The following MYLK variants were observed in gnomAD, a reference collection of about 807,000 sequenced individuals.
MYLK encodes myosin light chain kinase.
A neutral mutation model predicts 203.4 loss-of-function variants in MYLK; 106 were observed. That is an observed-to-expected ratio of 0.52 (90% CI 0.45 to 0.61). The LOEUF (loss-of-function observed/expected upper bound fraction) is 0.61, where lower values mean the gene tolerates loss of function less well. Among genes scored for constraint, MYLK ranks in the 20% least tolerant of loss-of-function variants. The pLI, the probability that MYLK is intolerant of heterozygous loss-of-function variation, is 0.00. For missense variants in MYLK, 2,072 were observed against 2,442.3 expected (o/e 0.85, Z 3.20); for synonymous variants, 867 against 959.5 (o/e 0.90, Z 1.78).
chr3:123,645,514 A>AC (rs151070043), intron 27 of MYLK, among the ~76,000 whole-genome samples: 2,461 of 152,170 alleles, frequency 0.016, 26 homozygotes, highest in African/African-American at 0.027. Flanking sequence ...AAGGACAGAG[A>AC]CCCCCCAAGT....
chr3:123,625,657 A>T (rs2058107492), intron 31 of MYLK, among the ~76,000 whole-genome samples: 1 of 151,242 alleles, frequency 6.6e-6, no homozygotes, highest in Non-Finnish European at 1.5e-5. Context: ...AAATACAAAA[A>T]ATTAGCCAGG....
At chr3:123,827,743 A>ATG (rs2066177179) in intron 3 of MYLK, among the ~76,000 whole-genome samples, 6 of 116,114 alleles carry the variant, frequency 5.2e-5, no homozygotes, top group African/African-American at 2.0e-4. Context: ...ATATATATAT[A>ATG]TATATAAAGA....
At chr3:123,870,787 A>C (rs190201678) in intron 2 of MYLK, among the ~76,000 whole-genome samples, 1 of 152,240 alleles carries the variant, frequency 6.6e-6, no homozygotes, top group Non-Finnish European at 1.5e-5. Flanking sequence ...GCAGAGATGA[A>C]TACCTGTGAC....
intron 13 of MYLK, among the ~76,000 whole-genome samples, chr3:123,717,247 C>T (rs1199862287): frequency 2.0e-5 from 3 of 152,190 alleles, no homozygotes; most frequent in African/African-American, 7.2e-5. Flanking sequence ...GGAGGTGGCT[C>T]CAGGCTGCCC....
chr3:123,867,134 C>A (rs868283304), intron 2 of MYLK, among the ~76,000 whole-genome samples: 13 of 152,144 alleles, frequency 8.5e-5, no homozygotes, highest in African/African-American at 2.7e-4. Context: ...TGGCCCCAGA[C>A]AACTGTCCAG....
chr3:123,816,979 G>C (rs2065770347), intron 3 of MYLK, among the ~76,000 whole-genome samples: 1 of 152,216 alleles, frequency 6.6e-6, no homozygotes, highest in Admixed American at 6.5e-5. Flanking sequence ...TTAGCACTGA[G>C]ATTTAAGTGG....
chr3:123,842,397 A>G (rs2066614935), intron 2 of MYLK, among the ~76,000 whole-genome samples: 2 of 152,178 alleles, frequency 1.3e-5, no homozygotes, highest in Admixed American at 1.3e-4. Context: ...GCTCAGAATC[A>G]GGCCAATTCT....
intron 29 of MYLK, among the ~76,000 whole-genome samples, chr3:123,636,943 C>A (rs556446240): frequency 2.1e-4 from 32 of 151,632 alleles, no homozygotes; most frequent in African/African-American, 7.6e-4. Flanking sequence ...AGTCACATTG[C>A]ACAAAATTCA....
rs563534702 is a variant in MYLK, at chr3:123,859,010, T to C, written c.-127+17549A>G. On this transcript the variant is annotated intron_variant, in intron 2 of 33. Transcript: ENST00000360304. ...CTAAATTTACATATAATTTAAATAG[T>C]ATATAAAGTGATTAAATGTGAATAT... Among the ~76,000 whole-genome samples the C allele has an allele frequency of 8.3e-4, 127 of 152,220 alleles. 1 individual carries two copies. The highest frequency in any genetic ancestry group is 1.7e-3 in the Non-Finnish European group (114 of 68,042).
At chr3:123,782,855 G>T (rs2064354499) in intron 4 of MYLK, among the ~76,000 whole-genome samples, 2 of 152,176 alleles carry the variant, frequency 1.3e-5, no homozygotes, top group African/African-American at 4.8e-5. Context: ...GACACTTAAA[G>T]AACTTACAAC....
chr3:123,823,630 T>C (rs1249538819), intron 3 of MYLK, among the ~76,000 whole-genome samples: 2 of 152,192 alleles, frequency 1.3e-5, no homozygotes, highest in African/African-American at 4.8e-5. Flanking sequence ...TGTGCCTCCC[T>C]AATTCCACTC....
At chr3:123,875,773 G>C (rs1397132465) in intron 2 of MYLK, among the ~76,000 whole-genome samples, 1 of 152,022 alleles carries the variant, frequency 6.6e-6, no homozygotes, top group Non-Finnish European at 1.5e-5. Context: ...TCAAACAATG[G>C]AATAAAAAGA....
chr3:123,793,959 CCA>C (rs1356422973), intron 3 of MYLK, 115 bp from the exon 4 acceptor site: 4 of 1,133,554 alleles, frequency 3.5e-6, no homozygotes, highest in Non-Finnish European at 5.2e-6. Flanking sequence ...GAGCAGATCC[CCA>C]GTTAGGTCAG....
chr3:123,813,619 T>C (rs1320214570), intron 3 of MYLK, among the ~76,000 whole-genome samples: 2 of 152,124 alleles, frequency 1.3e-5, no homozygotes, highest in Non-Finnish European at 2.9e-5. Flanking sequence ...CAAGCGATTC[T>C]CCTGCCTCAG....
At chr3:123,654,077 A>G (rs2059313996) in intron 24 of MYLK, among the ~76,000 whole-genome samples, 1 of 151,592 alleles carries the variant, frequency 6.6e-6, no homozygotes, top group African/African-American at 2.4e-5. Flanking sequence ...CCTGACAGAC[A>G]TTTGGGAGTG....
At chr3:123,653,986 T>TTGTGTG (rs752791805) in intron 24 of MYLK, among the ~76,000 whole-genome samples, 38,861 of 137,408 alleles carry the variant, frequency 0.28, 6,854 homozygotes, top group Non-Finnish European at 0.39. Context: ...CAGAGGGATG[T>TTGTGTG]TGTGTGTGTG....
At chr3:123,625,289 A>G (rs371392825) in intron 31 of MYLK, 12 of 152,244 alleles carry the variant, frequency 7.9e-5, no homozygotes, top group African/African-American at 2.9e-4. Context: ...TAGTTTATAC[A>G]TCTTGGTGCG....
intron 3 of MYLK, among the ~76,000 whole-genome samples, chr3:123,818,199 G>A (rs914382918): frequency 2.0e-5 from 3 of 152,138 alleles, no homozygotes; most frequent in African/African-American, 7.2e-5. Context: ...TCTGCCTCCT[G>A]CAGTCACACA....
At position 123,739,943 on chromosome 3, in the gene MYLK, C is replaced by T; in HGVS notation, c.422+10G>A. On this transcript the variant is annotated intron_variant, in intron 6 of 33. Coordinates refer to ENST00000360304, the MANE Select transcript of MYLK (RefSeq NM_053025.4). ...CAACCCTTACTCTGTCTTGAACATC[C>T]AGGACTTACCCTAAGGTTTTGGAAA... The T allele has an allele frequency of 6.2e-7, 1 of 1,613,880 alleles. No individual in the cohort carries two copies. The highest frequency in any genetic ancestry group is 1.1e-5 in the South Asian group (1 of 91,040).
Sources: gnomAD v4.1 joint callset for allele counts (sites outside exome capture counted in the v4.1 genomes callset) on GRCh38, gnomAD v4.1.1 for gene constraint, MANE v1.5 for transcripts, NCBI Gene and HGNC (gene_info 2026-07-23, HGNC 2026-07-21) for gene names.